Variants in PTPN12 observed in about 807,000 individuals in gnomAD.
PTPN12 encodes tyrosine-protein phosphatase non-receptor type 12.
A neutral mutation model predicts 97.6 loss-of-function variants in PTPN12; 29 were observed. That is an observed-to-expected ratio of 0.30 (90% CI 0.22 to 0.41). The LOEUF is 0.41. Among genes scored for constraint, PTPN12 ranks in the 10% least tolerant of loss-of-function variants. The probability of loss-of-function intolerance (pLI) is 1.00; values close to 1 mark genes in which losing one functional copy is unlikely to be tolerated. For missense variants in PTPN12, 819 were observed against 926.0 expected (o/e 0.88, Z 1.50); for synonymous variants, 327 against 300.4 (o/e 1.09, Z -0.91).
intron 9 of PTPN12, among the ~76,000 whole-genome samples, chr7:77,607,599 A>T (rs1788417873): frequency 6.6e-6 from 1 of 152,208 alleles, no homozygotes; most frequent in Admixed American, 6.5e-5. Flanking sequence ...ATGATTATAA[A>T]AAATAAAGGT....
chr7:77,635,915 C>A, intron 15 of PTPN12, 66 bp downstream of exon 15: 4 of 1,112,390 alleles, frequency 3.6e-6, no homozygotes, highest in South Asian at 1.6e-5. Context: ...ACTAATCTTG[C>A]AGTTGTTGAA....
chr7:77,568,171 T>C (rs1808334869), intron 1 of PTPN12, among the ~76,000 whole-genome samples: 1 of 152,184 alleles, frequency 6.6e-6, no homozygotes, highest in Non-Finnish European at 1.5e-5. Flanking sequence ...TTTTAAGAAA[T>C]GGCATGCTAG....
chr7:77,562,209 A>G (rs1194990392), intron 1 of PTPN12, among the ~76,000 whole-genome samples: 1 of 151,962 alleles, frequency 6.6e-6, no homozygotes, highest in South Asian at 2.1e-4. Context: ...GCATGCCACC[A>G]CGCCCAGCTA....
chr7:77,620,345 TAAG>T (rs1788890174), intron 12 of PTPN12, among the ~76,000 whole-genome samples: 1 of 152,206 alleles, frequency 6.6e-6, no homozygotes, highest in African/African-American at 2.4e-5. Flanking sequence ...AAATGCATAT[TAAG>T]AAAAAATATT....
At chr7:77,604,209 C>T (rs1439965692) in intron 8 of PTPN12, among the ~76,000 whole-genome samples, 7 of 52,798 alleles carry the variant, frequency 1.3e-4, no homozygotes, top group South Asian at 2.0e-3. Flanking sequence ...TTTTTTCTTC[C>T]TTTTTTTTTT....
intron 5 of PTPN12, among the ~76,000 whole-genome samples, chr7:77,588,026 A>G (rs1466005282): frequency 6.6e-6 from 1 of 152,158 alleles, no homozygotes; most frequent in Non-Finnish European, 1.5e-5. Flanking sequence ...TTGATCTTCT[A>G]TCTAGACCAC....
intron 11 of PTPN12, among the ~76,000 whole-genome samples, chr7:77,618,169 A>G (rs1040299155): frequency 2.0e-5 from 3 of 151,952 alleles, no homozygotes; most frequent in Admixed American, 6.6e-5. Context: ...GCGGGGGGAT[A>G]CTACGTTCTT....
intron 13 of PTPN12, among the ~76,000 whole-genome samples, chr7:77,629,087 A>G (rs1789305292): frequency 6.6e-6 from 1 of 152,002 alleles, no homozygotes; most frequent in Non-Finnish European, 1.5e-5. Context: ...GTAGTTGGGA[A>G]TACAGGCATG....
chr7:77,632,222 A>G, intron 13 of PTPN12, 126 bp from the exon 14 acceptor site: 1 of 703,862 alleles, frequency 1.4e-6, no homozygotes, highest in Non-Finnish European at 2.5e-6. Context: ...GGTTTCTTGC[A>G]TTTTTTTGCA....
At chr7:77,576,601 G>A (rs1787350440) in intron 2 of PTPN12, among the ~76,000 whole-genome samples, 1 of 152,106 alleles carries the variant, frequency 6.6e-6, no homozygotes, top group Admixed American at 6.5e-5. Context: ...AGAGGCTGAG[G>A]CACGAGAATC....
intron 9 of PTPN12, 92 bp from the exon 10 acceptor site, chr7:77,610,673 C>T (rs923800725): frequency 2.4e-6 from 3 of 1,267,814 alleles, no homozygotes; most frequent in Admixed American, 2.4e-5. Context: ...AGTAAACCAG[C>T]AGGTATTTAA....
chr7:77,563,860 T>C (rs184191757), intron 1 of PTPN12: 2 of 349,552 alleles, frequency 5.7e-6, no homozygotes, highest in East Asian at 9.9e-5. Context: ...AGTTGTATAG[T>C]TGAAAGACCC....
chr7:77,591,697 A>G (rs1287398181), intron 5 of PTPN12, among the ~76,000 whole-genome samples: 3 of 152,228 alleles, frequency 2.0e-5, no homozygotes, highest in East Asian at 1.9e-4. Context: ...CTAAAGGTCA[A>G]TAAAGGAGTA....
At chr7:77,543,371 C>A in intron 1 of PTPN12, among the ~76,000 whole-genome samples, 1 of 142,742 alleles carries the variant, frequency 7.0e-6, no homozygotes, top group African/African-American at 2.6e-5. Flanking sequence ...AAAGAGAGAA[C>A]TAGAGAATAT....
At chr7:77,590,703 G>A (rs1271838577) in intron 5 of PTPN12, among the ~76,000 whole-genome samples, 1 of 151,994 alleles carries the variant, frequency 6.6e-6, no homozygotes, top group African/African-American at 2.4e-5. Context: ...TGGGATTAAA[G>A]GCATGTGCCA....
At chr7:77,598,905 G>A (rs1788103570) in intron 7 of PTPN12, among the ~76,000 whole-genome samples, 1 of 150,804 alleles carries the variant, frequency 6.6e-6, no homozygotes, top group African/African-American at 2.4e-5. Context: ...TTTAAAGCAT[G>A]TGAAGTTAGT....
intron 12 of PTPN12, among the ~76,000 whole-genome samples, chr7:77,625,512 TCTCTCTCTCTCACTCTCACTCTCA>T (rs1789128126): frequency 9.4e-6 from 1 of 106,690 alleles, no homozygotes; most frequent in Non-Finnish European, 2.0e-5. Flanking sequence ...TCTCTCTCTC[TCTCTCTCTCTCACTCTCACTCTCA>T]CTCGCGCTCT....
chr7:77,558,179 C>G (rs1301961126), intron 1 of PTPN12, among the ~76,000 whole-genome samples: 2 of 145,000 alleles, frequency 1.4e-5, no homozygotes, highest in African/African-American at 2.6e-5. Context: ...CCACTGCACT[C>G]CAGCCTGGGC....
At chr7:77,618,829 T>C (rs1046357391) in intron 12 of PTPN12, among the ~76,000 whole-genome samples, 17 of 152,340 alleles carry the variant, frequency 1.1e-4, no homozygotes, top group Admixed American at 9.8e-4. Context: ...ATATGTGATA[T>C]AACTAAAATT....
Sources: allele counts gnomAD v4.1 joint callset (sites outside exome capture counted in the v4.1 genomes callset), GRCh38; gene constraint gnomAD v4.1.1; transcripts MANE v1.5; gene names NCBI Gene and HGNC (gene_info 2026-07-23, HGNC 2026-07-21).